Variants in NRG1 observed in about 807,000 individuals in gnomAD.
NRG1 encodes pro-neuregulin-1, membrane-bound isoform.
A neutral mutation model predicts 63.8 loss-of-function variants in NRG1; 18 were observed. The observed-to-expected ratio is 0.28, with a 90% CI of 0.19 to 0.42. NRG1 has a LOEUF of 0.42. Ranked by LOEUF, NRG1 falls within the 10% of genes least tolerant of loss-of-function variation. NRG1 has a pLI of 1.00. For synonymous variants in NRG1, 302 were observed against 301.3 expected, an observed-to-expected ratio of 1.00 and a Z score of -0.02; for missense variants, 762 against 814.7, an observed-to-expected ratio of 0.94 and a Z score of 0.79.
chr8:31,715,048 C>T (rs538175832), intron 1 of NRG1, among the ~76,000 whole-genome samples: 1 of 152,052 alleles, frequency 6.6e-6, no homozygotes, highest in Non-Finnish European at 1.5e-5. Context: ...AGTGACATTT[C>T]ACTGATCATA....
At chr8:31,933,562 G>A (rs374686711) in intron 1 of NRG1, among the ~76,000 whole-genome samples, 1 of 152,152 alleles carries the variant, frequency 6.6e-6, no homozygotes, top group Non-Finnish European at 1.5e-5. Context: ...GATTACAGGC[G>A]TGAGCCACTG....
At chr8:32,038,286 C>T (rs377005244) in intron 1 of NRG1, among the ~76,000 whole-genome samples, 2 of 152,284 alleles carry the variant, frequency 1.3e-5, no homozygotes, top group Non-Finnish European at 2.9e-5. Context: ...CCCTGCTTTT[C>T]CTCACTGTCT....
At chr8:32,763,135 A>T in intron 11 of NRG1, 1 of 1,405,842 alleles carries the variant, frequency 7.1e-7, no homozygotes, top group Non-Finnish European at 9.9e-7. Flanking sequence ...GTTGCATTTC[A>T]TGGAAAAAAT....
intron 1 of NRG1, among the ~76,000 whole-genome samples, chr8:31,720,854 C>G (rs554708888): frequency 1.4e-4 from 22 of 152,186 alleles, no homozygotes; most frequent in African/African-American, 5.3e-4. Flanking sequence ...TTAAATTATT[C>G]CTTGAACAAT....
intron 1 of NRG1, among the ~76,000 whole-genome samples, chr8:32,046,796 A>T (rs1430980066): frequency 6.6e-6 from 1 of 152,040 alleles, no homozygotes; most frequent in African/African-American, 2.4e-5. Context: ...CTACAAGGAG[A>T]TAGCATGGGA....
chr8:32,726,778 AG>A (rs138558461), intron 5 of NRG1, among the ~76,000 whole-genome samples: 4,566 of 152,302 alleles, frequency 0.03, 294 homozygotes, highest in East Asian at 0.28. Context: ...GTCAAATAAA[AG>A]TAAACAAGGT....
At chr8:32,226,491 A>G (rs1846339125) in intron 1 of NRG1, among the ~76,000 whole-genome samples, 1 of 152,142 alleles carries the variant, frequency 6.6e-6, no homozygotes, top group Admixed American at 6.6e-5. Flanking sequence ...TTGCTTTAGG[A>G]AACTTGTCTT....
intron 1 of NRG1, among the ~76,000 whole-genome samples, chr8:31,749,608 GCTTT>G (rs1358232917): frequency 6.6e-6 from 1 of 151,218 alleles, no homozygotes; most frequent in African/African-American, 2.4e-5. Flanking sequence ...TTTCTTTTGT[GCTTT>G]CTATTTAAAA....
At chr8:32,449,964 T>TAA (rs1470376624) in intron 1 of NRG1, among the ~76,000 whole-genome samples, 1 of 152,062 alleles carries the variant, frequency 6.6e-6, no homozygotes. Context: ...GGCTGGCACA[T>TAA]AAAGTTCCGG....
chr8:31,765,752 C>T (rs764680998), intron 1 of NRG1, among the ~76,000 whole-genome samples: 7 of 152,032 alleles, frequency 4.6e-5, no homozygotes, highest in Non-Finnish European at 1.0e-4. Context: ...GAAAAGAGGT[C>T]AGAATTTGGG....
At chr8:31,795,539 AAAAC>A (rs145193129) in intron 1 of NRG1, among the ~76,000 whole-genome samples, 2,681 of 152,190 alleles carry the variant, frequency 0.018, 88 homozygotes, top group African/African-American at 0.061. Context: ...GTAACCCCGC[AAAAC>A]AAACCTTCAA....
chr8:31,854,397 G>A (rs188846747), intron 1 of NRG1, among the ~76,000 whole-genome samples: 40 of 152,236 alleles, frequency 2.6e-4, no homozygotes, highest in African/African-American at 7.2e-4. Context: ...GTTTATTTGC[G>A]TAGAGGTGTT....
At chr8:32,361,188 G>A (rs970931477) in intron 1 of NRG1, among the ~76,000 whole-genome samples, 3 of 152,116 alleles carry the variant, frequency 2.0e-5, no homozygotes, top group Non-Finnish European at 4.4e-5. Flanking sequence ...AGCCAATGAT[G>A]CACAGCTACC....
At chr8:32,455,134 A>G (rs1821446490) in intron 1 of NRG1, among the ~76,000 whole-genome samples, 1 of 152,240 alleles carries the variant, frequency 6.6e-6, no homozygotes, top group African/African-American at 2.4e-5. Context: ...AGGTACCCCC[A>G]TCGTTAAGCA....
chr8:31,810,070 A>G (rs1387912856), intron 1 of NRG1, among the ~76,000 whole-genome samples: 1 of 152,040 alleles, frequency 6.6e-6, no homozygotes, highest in Non-Finnish European at 1.5e-5. Context: ...CCAACCTTGG[A>G]TTCATCCTGA....
chr8:32,568,324 AGCTTTTTAT>A, intron 1 of NRG1, among the ~76,000 whole-genome samples: 1 of 152,220 alleles, frequency 6.6e-6, no homozygotes, highest in Non-Finnish European at 1.5e-5. Context: ...AATCTCTTTG[AGCTTTTTAT>A]GCTTTACACT....
intron 1 of NRG1, among the ~76,000 whole-genome samples, chr8:32,092,916 C>T (rs1389035361): frequency 6.6e-6 from 1 of 152,196 alleles, no homozygotes. Context: ...ACATGCATGT[C>T]ACCCTGACAA....
chr8:31,743,928 T>C (rs181809036), intron 1 of NRG1, among the ~76,000 whole-genome samples: 13 of 152,142 alleles, frequency 8.5e-5, no homozygotes, highest in Admixed American at 7.2e-4. Context: ...AGCCGAGGAA[T>C]AGTAAAGAAA....
At chr8:32,437,495 C>G (rs1305921078) in intron 1 of NRG1, among the ~76,000 whole-genome samples, 1 of 152,176 alleles carries the variant, frequency 6.6e-6, no homozygotes, top group Non-Finnish European at 1.5e-5. Context: ...CTATGATCAG[C>G]TCTAAAGAAA....
Sources: gnomAD v4.1 joint callset for allele counts (sites outside exome capture counted in the v4.1 genomes callset) on GRCh38, gnomAD v4.1.1 for gene constraint, MANE v1.5 for transcripts, NCBI Gene and HGNC (gene_info 2026-07-23, HGNC 2026-07-21) for gene names.